The following FSTL5 variants were observed in gnomAD, a reference collection of about 807,000 sequenced individuals.
FSTL5 encodes follistatin-related protein 5.
A neutral mutation model predicts 89.1 loss-of-function variants in FSTL5; 62 were observed. The ratio of observed to expected loss-of-function variants is 0.70; its 90% CI spans 0.57 to 0.86. The LOEUF (loss-of-function observed/expected upper bound fraction) is 0.86, where lower values mean the gene tolerates loss of function less well. FSTL5 is among the 40% of genes least tolerant of loss of function. The pLI, the probability that FSTL5 is intolerant of heterozygous loss-of-function variation, is 0.00. For synonymous variants in FSTL5, 383 were observed against 346.2 expected, an observed-to-expected ratio of 1.11 and a Z score of -1.18; for missense variants, 1,057 against 1,001.6, an observed-to-expected ratio of 1.06 and a Z score of -0.75.
intron 2 of FSTL5, among the ~76,000 whole-genome samples, chr4:162,082,876 T>G (rs748553655): frequency 6.6e-6 from 1 of 151,400 alleles, no homozygotes; most frequent in East Asian, 1.9e-4. Flanking sequence ...TCAATCTCAA[T>G]CTCAAGTGGC....
At chr4:161,687,772 A>C (rs1737796575) in intron 6 of FSTL5, among the ~76,000 whole-genome samples, 1 of 152,168 alleles carries the variant, frequency 6.6e-6, no homozygotes, top group African/African-American at 2.4e-5. Context: ...GTGCAAGGAG[A>C]ATATCAACAG....
chr4:161,785,227 G>A (rs1358467408), intron 4 of FSTL5, among the ~76,000 whole-genome samples: 1 of 152,114 alleles, frequency 6.6e-6, no homozygotes, highest in Non-Finnish European at 1.5e-5. Context: ...AAGCTACAAG[G>A]TGCATCCATT....
At chr4:161,400,084 C>T (rs953151190) in intron 15 of FSTL5, among the ~76,000 whole-genome samples, 1 of 152,036 alleles carries the variant, frequency 6.6e-6, no homozygotes, top group African/African-American at 2.4e-5. Context: ...CATTTCTTCA[C>T]ATTTCTAGAC....
At chr4:161,868,941 G>C (rs1249216688) in intron 4 of FSTL5, among the ~76,000 whole-genome samples, 1 of 152,090 alleles carries the variant, frequency 6.6e-6, no homozygotes, top group Admixed American at 6.5e-5. Flanking sequence ...ATAACAAAAG[G>C]CCAGGCTCGG....
intron 6 of FSTL5, among the ~76,000 whole-genome samples, chr4:161,705,960 A>ATGTGTG (rs1738557996): frequency 1.5e-5 from 1 of 68,028 alleles, no homozygotes; most frequent in East Asian, 4.1e-4. Context: ...GTGTATATAT[A>ATGTGTG]TATATATATA....
chr4:161,525,791 A>G (rs1014830828), intron 10 of FSTL5, among the ~76,000 whole-genome samples: 9 of 152,174 alleles, frequency 5.9e-5, no homozygotes, highest in African/African-American at 2.2e-4. Flanking sequence ...ATTTTTTCAT[A>G]TCTCACCAAG....
chr4:161,990,749 T>C (rs1426513382), intron 3 of FSTL5, among the ~76,000 whole-genome samples: 1 of 152,146 alleles, frequency 6.6e-6, no homozygotes, highest in Non-Finnish European at 1.5e-5. Flanking sequence ...TTCAGCTTAA[T>C]TCTCTATGAA....
intron 6 of FSTL5, among the ~76,000 whole-genome samples, chr4:161,757,386 A>C (rs1740611534): frequency 6.6e-6 from 1 of 151,914 alleles, no homozygotes; most frequent in East Asian, 1.9e-4. Context: ...ACACACACAC[A>C]CATTATTATA....
chr4:161,414,099 T>C (rs1364661883), intron 15 of FSTL5, among the ~76,000 whole-genome samples: 2 of 152,204 alleles, frequency 1.3e-5, no homozygotes, highest in Non-Finnish European at 2.9e-5. Context: ...ATAAAATGTT[T>C]AATTTTGTTA....
intron 1 of FSTL5, among the ~76,000 whole-genome samples, chr4:162,159,833 A>T (rs1733625719): frequency 6.6e-6 from 1 of 151,864 alleles, no homozygotes; most frequent in African/African-American, 2.4e-5. Context: ...GCAAATATTC[A>T]TTTTCAATTG....
At chr4:161,517,112 C>T (rs6823997) in intron 10 of FSTL5, among the ~76,000 whole-genome samples, 28,531 of 151,934 alleles carry the variant, frequency 0.19, 2,916 homozygotes, top group East Asian at 0.37. Flanking sequence ...TGGTCTCGAA[C>T]TCTTGACCTC....
At chr4:161,559,387 CTCT>C (rs1437304075) in intron 8 of FSTL5, among the ~76,000 whole-genome samples, 13 of 151,464 alleles carry the variant, frequency 8.6e-5, no homozygotes, top group African/African-American at 1.7e-4. Flanking sequence ...TCTCTCTTTC[CTCT>C]TCTTTTTTTC....
At chr4:161,725,021 T>C (rs2126755569) in intron 6 of FSTL5, among the ~76,000 whole-genome samples, 1 of 151,840 alleles carries the variant, frequency 6.6e-6, no homozygotes, top group Non-Finnish European at 1.5e-5. Flanking sequence ...ATGGTGAAAC[T>C]CCCGTCTCTA....
intron 3 of FSTL5, among the ~76,000 whole-genome samples, chr4:162,017,223 C>G (rs189272172): frequency 2.6e-5 from 4 of 152,220 alleles, no homozygotes; most frequent in Non-Finnish European, 5.9e-5. Context: ...AACAGATGGG[C>G]TGAATGCTAT....
At chr4:161,574,750 G>A (rs1490894214) in intron 8 of FSTL5, among the ~76,000 whole-genome samples, 2 of 151,938 alleles carry the variant, frequency 1.3e-5, no homozygotes, top group African/African-American at 4.8e-5. Flanking sequence ...GTTTTTCATT[G>A]ATGGGCATTT....
chr4:161,525,604 A>G (rs1335116167), intron 10 of FSTL5, among the ~76,000 whole-genome samples: 1 of 152,172 alleles, frequency 6.6e-6, no homozygotes, highest in African/African-American at 2.4e-5. Context: ...AAAATATTCC[A>G]TCCATGGGAG....
chr4:161,430,009 C>A (rs1469056614), intron 15 of FSTL5, among the ~76,000 whole-genome samples: 1 of 152,044 alleles, frequency 6.6e-6, no homozygotes. Flanking sequence ...AGAAGGAATT[C>A]AGAATCCTAT....
At chr4:161,892,152 T>A (rs1560902603) in intron 4 of FSTL5, among the ~76,000 whole-genome samples, 1 of 151,996 alleles carries the variant, frequency 6.6e-6, no homozygotes, top group African/African-American at 2.4e-5. Context: ...ATCATTGTGA[T>A]CTCATTTCAA....
At chr4:161,776,298 AGTTT>A (rs1400785810) in intron 4 of FSTL5, among the ~76,000 whole-genome samples, 3 of 152,066 alleles carry the variant, frequency 2.0e-5, no homozygotes, top group African/African-American at 4.8e-5. Context: ...ATTTCTTTGT[AGTTT>A]GTTTATGAGG....
Sources: allele counts gnomAD v4.1 joint callset (sites outside exome capture counted in the v4.1 genomes callset), GRCh38; gene constraint gnomAD v4.1.1; transcripts MANE v1.5; gene names NCBI Gene and HGNC (gene_info 2026-07-23, HGNC 2026-07-21).